Variants in NTNG1 observed in about 807,000 individuals in gnomAD.
The protein encoded by NTNG1 is netrin-G1.
Under a neutral mutation model 54.0 loss-of-function variants are expected in NTNG1, and 16 were observed. The observed-to-expected ratio is 0.30, with a 90% CI of 0.20 to 0.45. The LOEUF (loss-of-function observed/expected upper bound fraction) is 0.45, where lower values mean the gene tolerates loss of function less well. NTNG1 is among the 20% of genes least tolerant of loss of function. The pLI, the probability that NTNG1 is intolerant of heterozygous loss-of-function variation, is 1.00. For missense variants in NTNG1, 530 were observed against 678.7 expected, an observed-to-expected ratio of 0.78 and a Z score of 2.43; for synonymous variants, 255 against 263.1, an observed-to-expected ratio of 0.97 and a Z score of 0.30.
At chr1:107,287,486 G>A (rs1665271486) in intron 2 of NTNG1, among the ~76,000 whole-genome samples, 2 of 152,174 alleles carry the variant, frequency 1.3e-5, no homozygotes, top group African/African-American at 4.8e-5. Flanking sequence ...AGTGGCATGT[G>A]CCTGTAGTCC....
chr1:107,386,143 A>ATG (rs201278430), intron 3 of NTNG1, among the ~76,000 whole-genome samples: 7 of 130,022 alleles, frequency 5.4e-5, no homozygotes, highest in African/African-American at 1.7e-4. Flanking sequence ...ATATATATAT[A>ATG]TGTGTGTATA....
chr1:107,457,292 T>C (rs763318266), intron 7 of NTNG1, among the ~76,000 whole-genome samples: 20 of 152,192 alleles, frequency 1.3e-4, no homozygotes, highest in African/African-American at 1.7e-4. Context: ...TGGTACTAAA[T>C]CCCCAATCCA....
chr1:107,270,701 C>T (rs1355483923), intron 2 of NTNG1, among the ~76,000 whole-genome samples: 2 of 130,768 alleles, frequency 1.5e-5, no homozygotes, highest in Non-Finnish European at 3.3e-5. Context: ...TTCCCGCCCC[C>T]GCCCCCGCCC....
At chr1:107,152,076 A>G (rs746338586) in intron 2 of NTNG1, among the ~76,000 whole-genome samples, 5 of 151,878 alleles carry the variant, frequency 3.3e-5, no homozygotes, top group Non-Finnish European at 7.4e-5. Context: ...ACATACATAT[A>G]TACATGTATA....
intron 2 of NTNG1, among the ~76,000 whole-genome samples, chr1:107,292,072 T>A (rs1354877379): frequency 6.6e-6 from 1 of 152,120 alleles, no homozygotes; most frequent in Non-Finnish European, 1.5e-5. Context: ...ATAAAAAAAC[T>A]GTTCCACTAC....
intron 2 of NTNG1, among the ~76,000 whole-genome samples, chr1:107,249,107 C>A (rs1213454923): frequency 6.7e-6 from 1 of 149,978 alleles, no homozygotes; most frequent in Admixed American, 6.7e-5. Context: ...TGCAGTAAGC[C>A]GAGATCACAC....
chr1:107,322,002 G>A (rs906584263), intron 2 of NTNG1, among the ~76,000 whole-genome samples: 3 of 152,180 alleles, frequency 2.0e-5, no homozygotes, highest in African/African-American at 7.2e-5. Context: ...CCAGGAAAAT[G>A]TACGTAGTGT....
chr1:107,295,357 A>G (rs1440678462), intron 2 of NTNG1, among the ~76,000 whole-genome samples: 1 of 152,100 alleles, frequency 6.6e-6, no homozygotes, highest in South Asian at 2.1e-4. Flanking sequence ...TCTTGCTTCT[A>G]TGGTGGATTA....
At chr1:107,218,385 T>G (rs10082226) in intron 2 of NTNG1, among the ~76,000 whole-genome samples, 130,729 of 152,136 alleles carry the variant, frequency 0.86, 57,794 homozygotes, top group East Asian at 0.99. Flanking sequence ...AGATACTTGT[T>G]TGGTGAGTTC....
intron 3 of NTNG1, among the ~76,000 whole-genome samples, chr1:107,348,119 ATT>A (rs1669368978): frequency 2.5e-5 from 3 of 121,852 alleles, no homozygotes; most frequent in Non-Finnish European, 5.2e-5. Flanking sequence ...TGCTTTTATT[ATT>A]ATTATTATTA....
At chr1:107,297,249 GCA>G (rs1176252900) in intron 2 of NTNG1, among the ~76,000 whole-genome samples, 1 of 18,678 alleles carries the variant, frequency 5.4e-5, no homozygotes, top group African/African-American at 1.7e-4. Context: ...ATATATATGC[GCA>G]CACACACACA....
chr1:107,318,726 T>TG lies in NTNG1; in HGVS notation c.247-5550dup, dbSNP rs376616311. Among the ~76,000 whole-genome samples, 55 of 152,226 alleles carry TG rather than the reference T, an allele frequency of 3.6e-4. 1 individual carries two copies. The highest frequency in any genetic ancestry group is 3.4e-3 in the Middle Eastern group (1 of 294). ...ACTATCCTCACTTTCATGCATCCAA[T>TG]GGGGGGTCTTGGAACATTTCCCCAG... is the stretch of plus-strand genomic sequence containing the variant. On this transcript the variant is annotated intron_variant, in intron 2 of 7. Coordinates refer to ENST00000370068, the MANE Select transcript of NTNG1 (RefSeq NM_001113226.3).
At chr1:107,398,774 T>A (rs563954907) in intron 4 of NTNG1, among the ~76,000 whole-genome samples, 6 of 152,320 alleles carry the variant, frequency 3.9e-5, no homozygotes, top group African/African-American at 1.4e-4. Context: ...TCCTTATTGA[T>A]CTTCATTCTT....
chr1:107,312,387 T>C (rs1667068723), intron 2 of NTNG1, among the ~76,000 whole-genome samples: 1 of 152,184 alleles, frequency 6.6e-6, no homozygotes, highest in South Asian at 2.1e-4. Flanking sequence ...GAGCACTGAC[T>C]ACACCCAAGG....
intron 2 of NTNG1, among the ~76,000 whole-genome samples, chr1:107,180,459 A>G: frequency 6.6e-6 from 1 of 152,202 alleles, no homozygotes; most frequent in East Asian, 1.9e-4. Context: ...TAAAAGTTTC[A>G]CAAAAGTGCC....
chr1:107,254,320 G>A (rs1212690565), intron 2 of NTNG1, among the ~76,000 whole-genome samples: 1 of 152,206 alleles, frequency 6.6e-6, no homozygotes, highest in Non-Finnish European at 1.5e-5. Flanking sequence ...AAATTGAGGT[G>A]AATAAGCACT....
intron 3 of NTNG1, among the ~76,000 whole-genome samples, chr1:107,340,136 C>A (rs903459917): frequency 1.3e-5 from 2 of 152,056 alleles, no homozygotes; most frequent in South Asian, 4.2e-4. Flanking sequence ...AAATGAAATT[C>A]TCCTTATTAA....
intron 5 of NTNG1, among the ~76,000 whole-genome samples, chr1:107,421,652 G>T (rs11185112): frequency 0.43 from 65,242 of 151,848 alleles, 15,130 homozygotes; most frequent in Non-Finnish European, 0.52. Context: ...TGTTGCTTAG[G>T]ATCCAAAAAT....
At chr1:107,285,328 A>C (rs974627463) in intron 2 of NTNG1, among the ~76,000 whole-genome samples, 1 of 152,134 alleles carries the variant, frequency 6.6e-6, no homozygotes, top group Non-Finnish European at 1.5e-5. Context: ...ATGGTTACTG[A>C]TGATGAATCA....
Sources: gnomAD v4.1 joint callset for allele counts (sites outside exome capture counted in the v4.1 genomes callset) on GRCh38, gnomAD v4.1.1 for gene constraint, MANE v1.5 for transcripts, NCBI Gene and HGNC (gene_info 2026-07-23, HGNC 2026-07-21) for gene names.